Variants in MYO1D observed in about 807,000 individuals in gnomAD.
The protein encoded by MYO1D is myosin ID.
A neutral mutation model predicts 122.0 loss-of-function variants in MYO1D; 83 were observed. That is an observed-to-expected ratio of 0.68 (90% CI 0.57 to 0.82). The LOEUF (loss-of-function observed/expected upper bound fraction) is 0.82, where lower values mean the gene tolerates loss of function less well. Among genes scored for constraint, MYO1D ranks in the 40% least tolerant of loss-of-function variants. MYO1D has a pLI of 0.00. For synonymous variants in MYO1D, 464 were observed against 446.9 expected, an observed-to-expected ratio of 1.04 and a Z score of -0.48; for missense variants, 1,157 against 1,269.5, an observed-to-expected ratio of 0.91 and a Z score of 1.35.
chr17:32,501,510 C>G (rs775513502), intron 21 of MYO1D, among the ~76,000 whole-genome samples: 1 of 152,200 alleles, frequency 6.6e-6, no homozygotes, highest in African/African-American at 2.4e-5. Flanking sequence ...AGATCAGTCC[C>G]TTTTTGGCCA....
In MYO1D at chr17:32,676,267, C is replaced by T. The variant is rs1371209040; in HGVS notation, c.2122-16929G>A. Among the ~76,000 whole-genome samples, 8 of 151,454 alleles carry T rather than the reference C, an allele frequency of 5.3e-5. No homozygotes were observed. The East Asian group carries it at 5.8e-4, about 11-fold the overall frequency. ...ATAAATTGATGGGATAATGTAGCTC[C>T]GATTAAACTGCTTTAATTAGGGTTA... On this transcript the variant is annotated intron_variant, in intron 16 of 21. Transcript: ENST00000318217.
At chr17:32,758,007 A>G (rs2089965919) in intron 10 of MYO1D, among the ~76,000 whole-genome samples, 1 of 152,176 alleles carries the variant, frequency 6.6e-6, no homozygotes, top group Non-Finnish European at 1.5e-5. Flanking sequence ...TGAATGTACC[A>G]GATAACCAGA....
rs111577145 is a variant in MYO1D at position 32,570,190 on chromosome 17, G to A, written c.2864+34897C>T. Among the ~76,000 whole-genome samples, 922 of 152,216 alleles carry A rather than the reference G, an allele frequency of 6.1e-3. 3 individuals carry two copies. Among genetic ancestry groups the A allele is most frequent in the African/African-American group, 0.02 (845 of 41,500 alleles). On this transcript the variant is annotated intron_variant, in intron 21 of 21. Transcript: ENST00000318217. Reference sequence around the variant, plus strand: ...GATGCCTCACCCTCACCAATTGCCTGTAAGAGACAGTGGAACCCAGAACCA... The same window carrying A: ...GATGCCTCACCCTCACCAATTGCCTATAAGAGACAGTGGAACCCAGAACCA...
intron 11 of MYO1D, 75 bp downstream of exon 11, chr17:32,755,417 A>G: frequency 7.0e-7 from 1 of 1,425,540 alleles, no homozygotes; most frequent in Non-Finnish European, 9.6e-7. Context: ...CCCAACATAT[A>G]AAGTCGTTGA....
intron 21 of MYO1D, among the ~76,000 whole-genome samples, chr17:32,523,110 T>C (rs1413751897): frequency 4.6e-5 from 7 of 152,188 alleles, no homozygotes; most frequent in East Asian, 1.9e-4. Flanking sequence ...CAACCACGCC[T>C]GGCCCCCCAT....
At chr17:32,612,593 G>T (rs112868911) in intron 20 of MYO1D, among the ~76,000 whole-genome samples, 3,303 of 150,578 alleles carry the variant, frequency 0.022, 123 homozygotes, top group African/African-American at 0.074. Context: ...GGCTGAGGCA[G>T]GAGGATTGCT....
rs1395909135 is a variant in MYO1D, at chr17:32,844,316, ATATAT to A, written c.95+32457_95+32461del. On this transcript the variant is annotated intron_variant, in intron 1 of 21. Coordinates refer to ENST00000318217, the MANE Select transcript of MYO1D (RefSeq NM_015194.3). ...TGTATATATTATAATATGCATATGT[ATATAT>A]TATATAATATGTATATGTATATATT... 6.1e-5 allele frequency among the ~76,000 whole-genome samples: 9 copies of A among 146,878 alleles called. No homozygotes were observed. The South Asian group carries it at 6.3e-4, about 10-fold the overall frequency.
chr17:32,598,103 GT>G (rs1402100556), intron 21 of MYO1D, among the ~76,000 whole-genome samples: 2 of 151,968 alleles, frequency 1.3e-5, no homozygotes, highest in African/African-American at 4.8e-5. Context: ...GCCAGGCACA[GT>G]GGCTCACGCT....
At position 32,711,979 on chromosome 17, in the gene MYO1D, T is replaced by C. The variant is rs368629855; in HGVS notation, c.2121+9A>G. The C allele has an allele frequency of 2.2e-4, 357 of 1,601,886 alleles. No individual in the cohort carries two copies. Among genetic ancestry groups the C allele is most frequent in the Non-Finnish European group, 2.9e-4 (338 of 1,172,342 alleles). ...AAATCTTATCCTTATATATAAAATA[T>C]AAAATTACCTTTTGTAGAAAGAGGA... On this transcript the variant is annotated intron_variant, in intron 16 of 21. Transcript: ENST00000318217.
At chr17:32,605,789 A>C (rs188122775) in intron 20 of MYO1D, among the ~76,000 whole-genome samples, 64 of 152,280 alleles carry the variant, frequency 4.2e-4, no homozygotes, top group African/African-American at 1.4e-3. Context: ...AGTTAAAACC[A>C]AATAATTCTG....
intron 21 of MYO1D, among the ~76,000 whole-genome samples, chr17:32,550,607 G>T (rs147407477): frequency 2.8e-4 from 42 of 152,280 alleles, no homozygotes; most frequent in African/African-American, 1.0e-3. Flanking sequence ...ATTCTTTGTA[G>T]ATTTGTTTTC....
At chr17:32,576,795 T>C (rs2087282577) in intron 21 of MYO1D, among the ~76,000 whole-genome samples, 1 of 152,222 alleles carries the variant, frequency 6.6e-6, no homozygotes. Flanking sequence ...TAGCTAGGAC[T>C]ACAGGCACAT....
At chr17:32,773,530 AC>A (rs1567635400) in intron 4 of MYO1D, among the ~76,000 whole-genome samples, 1 of 94,368 alleles carries the variant, frequency 1.1e-5, no homozygotes, top group South Asian at 4.0e-4. Context: ...CCCACTCCCT[AC>A]CCCCACCCCC....
chr17:32,556,421 G>A (rs1441653813), intron 21 of MYO1D, among the ~76,000 whole-genome samples: 2 of 152,130 alleles, frequency 1.3e-5, no homozygotes, highest in African/African-American at 4.8e-5. Flanking sequence ...GGCTCGAAGT[G>A]GGTGGAGGAA....
chr17:32,697,199 T>G (rs2089184208), intron 16 of MYO1D, among the ~76,000 whole-genome samples: 1 of 152,222 alleles, frequency 6.6e-6, no homozygotes, highest in Non-Finnish European at 1.5e-5. Context: ...GAGCTTTGTC[T>G]TGTTCCTTTT....
intron 21 of MYO1D, among the ~76,000 whole-genome samples, chr17:32,552,441 C>T (rs2087025796): frequency 6.6e-6 from 1 of 152,016 alleles, no homozygotes; most frequent in East Asian, 1.9e-4. Context: ...TCCATCCATC[C>T]ATCCATCCAT....
chr17:32,776,421 G>C (rs1438267458), intron 3 of MYO1D, among the ~76,000 whole-genome samples: 1 of 152,132 alleles, frequency 6.6e-6, no homozygotes, highest in Non-Finnish European at 1.5e-5. Flanking sequence ...AAAATCTGGA[G>C]GGATCAGCAC....
intron 1 of MYO1D, among the ~76,000 whole-genome samples, chr17:32,784,333 A>C (rs1442348900): frequency 6.6e-6 from 1 of 152,036 alleles, no homozygotes; most frequent in Non-Finnish European, 1.5e-5. Flanking sequence ...CTTCTTCCCC[A>C]TGTGCTTGCC....
intron 1 of MYO1D, among the ~76,000 whole-genome samples, chr17:32,822,986 A>G (rs933109746): frequency 6.6e-6 from 1 of 152,224 alleles, no homozygotes; most frequent in Non-Finnish European, 1.5e-5. Flanking sequence ...TATAATAAAA[A>G]TAAATAAATA....
Sources: gnomAD v4.1 joint callset for allele counts (sites outside exome capture counted in the v4.1 genomes callset) on GRCh38, gnomAD v4.1.1 for gene constraint, MANE v1.5 for transcripts, NCBI Gene and HGNC (gene_info 2026-07-23, HGNC 2026-07-21) for gene names.